GKAP1: variants seen among roughly 807,000 people sequenced by gnomAD.
GKAP1 encodes the protein G kinase-anchoring protein 1.
GKAP1 carries 31 observed loss-of-function variants against 56.7 expected under a neutral mutation model. That is an observed-to-expected ratio of 0.55 (90% CI 0.41 to 0.74). The LOEUF (loss-of-function observed/expected upper bound fraction) is 0.74. Among genes scored for constraint, GKAP1 ranks in the 30% least tolerant of loss-of-function variants. The pLI is 0.00. For missense variants in GKAP1, 364 were observed against 402.3 expected (o/e 0.90, Z 0.82); for synonymous variants, 151 against 138.6 (o/e 1.09, Z -0.63).
chr9:83,810,551 T>C (rs1332280790), intron 2 of GKAP1, among the ~76,000 whole-genome samples: 3 of 152,310 alleles, frequency 2.0e-5, no homozygotes, highest in African/African-American at 7.2e-5. Context: ...TAAATCTCTT[T>C]CCAGTTTTGG....
chr9:83,803,858 G>C (rs1452765233), intron 3 of GKAP1, among the ~76,000 whole-genome samples: 1 of 151,294 alleles, frequency 6.6e-6, no homozygotes, highest in African/African-American at 2.4e-5. Flanking sequence ...GAGCGTTTCT[G>C]CCCGGCCGCC....
rs558253172 is a variant in GKAP1 at position 83,777,570 on chromosome 9, G to A, written c.585+2812C>T. 1.3e-3 allele frequency among the ~76,000 whole-genome samples: 196 copies of A among 152,130 alleles called. 1 individual carries two copies. The highest frequency in any genetic ancestry group is 0.01 in the Middle Eastern group (3 of 294). On this transcript the variant is annotated intron_variant, in intron 7 of 12. Transcript: ENST00000376371. ...AGCTAGCACCAAGAATATATATGCA[G>A]TTCAAGTACACCTCATCACCCATCA...
At chr9:83,811,418 T>C (rs1367782236) in intron 2 of GKAP1, among the ~76,000 whole-genome samples, 1 of 152,210 alleles carries the variant, frequency 6.6e-6, no homozygotes, top group African/African-American at 2.4e-5. Flanking sequence ...GTTGAGACTA[T>C]ATCTTAAATA....
chr9:83,795,576 G>A (rs376985097), intron 4 of GKAP1, among the ~76,000 whole-genome samples: 19 of 138,486 alleles, frequency 1.4e-4, no homozygotes, highest in African/African-American at 4.7e-4. Flanking sequence ...TTATGGTTAT[G>A]TCTGAGAGTG....
intron 7 of GKAP1, among the ~76,000 whole-genome samples, chr9:83,771,303 A>G (rs752124899): frequency 6.6e-5 from 10 of 151,290 alleles, no homozygotes; most frequent in Non-Finnish European, 1.3e-4. Flanking sequence ...AGTGGGTCTC[A>G]AACTCCTGAC....
chr9:83,752,286 C>T (rs1009388013), intron 9 of GKAP1, among the ~76,000 whole-genome samples: 4 of 152,056 alleles, frequency 2.6e-5, no homozygotes, highest in Non-Finnish European at 5.9e-5. Flanking sequence ...CATGGTGGCA[C>T]GTGCCTGTAG....
chr9:83,778,646 C>A (rs982738409), intron 7 of GKAP1, among the ~76,000 whole-genome samples: 2 of 151,626 alleles, frequency 1.3e-5, no homozygotes, highest in Non-Finnish European at 2.9e-5. Context: ...ACCACCGTGA[C>A]CAAAATTTAC....
At chr9:83,771,237 GTTGTTTGT>G (rs57442408) in intron 7 of GKAP1, among the ~76,000 whole-genome samples, 14 of 150,736 alleles carry the variant, frequency 9.3e-5, no homozygotes, top group African/African-American at 1.2e-4. Flanking sequence ...TAATTTTTTT[GTTGTTTGT>G]TTGTTTGTTT....
At chr9:83,801,710 G>A (rs1366259121) in intron 3 of GKAP1, among the ~76,000 whole-genome samples, 2 of 152,078 alleles carry the variant, frequency 1.3e-5, no homozygotes, top group African/African-American at 4.8e-5. Flanking sequence ...CACTCATTCT[G>A]TTTTATATTT....
chr9:83,782,593 G>C (rs1012995133), intron 6 of GKAP1, among the ~76,000 whole-genome samples: 1 of 145,318 alleles, frequency 6.9e-6, no homozygotes, highest in African/African-American at 2.5e-5. Context: ...CCTGACCTTA[G>C]GTGATCCACC....
intron 2 of GKAP1, among the ~76,000 whole-genome samples, chr9:83,809,372 TGGGTAGC>T (rs946184993): frequency 1.3e-5 from 2 of 152,242 alleles, no homozygotes; most frequent in Non-Finnish European, 2.9e-5. Context: ...TGCTCCTCAG[TGGGTAGC>T]TCCTGCACAT....
intron 8 of GKAP1, 46 bp downstream of exon 8, chr9:83,768,772 A>T (rs2131267582): frequency 6.5e-7 from 1 of 1,538,494 alleles, no homozygotes; most frequent in Non-Finnish European, 8.9e-7. Context: ...TAAAAATTAC[A>T]TTTCAATTTC....
intron 4 of GKAP1, among the ~76,000 whole-genome samples, chr9:83,791,335 G>A (rs914383966): frequency 4.6e-5 from 7 of 151,914 alleles, no homozygotes; most frequent in East Asian, 3.9e-4. Context: ...CCCAGGAGGC[G>A]GAGCTTGCAG....
intron 2 of GKAP1, among the ~76,000 whole-genome samples, chr9:83,809,685 C>T (rs1406706047): frequency 6.6e-6 from 1 of 152,234 alleles, no homozygotes; most frequent in Non-Finnish European, 1.5e-5. Context: ...TCAGCAGCAT[C>T]AAATCTAGCT....
Position 83,768,988 on chromosome 9 carries a change from C to T in GKAP1, c.586-18G>A, listed in dbSNP as rs367821770. The stretch of plus-strand genomic sequence containing the variant: ...CTCAATTCCTGTCAAAAATGAATTA[C>T]GATTTACTATCATTCAACATGCACT... On this transcript the variant is annotated intron_variant, in intron 7 of 12. Transcript: ENST00000376371. 15 of 1,597,240 alleles carry T rather than the reference C, an allele frequency of 9.4e-6. No individual in the cohort carries two copies. Among genetic ancestry groups the T allele is most frequent in the African/African-American group, 2.7e-5 (2 of 74,510 alleles).
chr9:83,745,304 T>C (rs1340820456), intron 10 of GKAP1, among the ~76,000 whole-genome samples: 2 of 152,186 alleles, frequency 1.3e-5, no homozygotes. Flanking sequence ...AAAGCTGGGA[T>C]TACAGGTGTG....
At chr9:83,767,295 CTT>C (rs1369967838) in intron 8 of GKAP1, among the ~76,000 whole-genome samples, 4 of 151,970 alleles carry the variant, frequency 2.6e-5, no homozygotes, top group Non-Finnish European at 5.9e-5. Context: ...GGCTGGCAAA[CTT>C]TTGCTGCAAA....
chr9:83,786,772 GATT>G (rs1944071257), intron 5 of GKAP1, among the ~76,000 whole-genome samples: 2 of 152,146 alleles, frequency 1.3e-5, no homozygotes, highest in Admixed American at 1.3e-4. Context: ...TAAAATCAAT[GATT>G]TTGAGTACTA....
At chr9:83,785,544 C>A (rs1165320932) in intron 5 of GKAP1, among the ~76,000 whole-genome samples, 1 of 152,162 alleles carries the variant, frequency 6.6e-6, no homozygotes, top group Non-Finnish European at 1.5e-5. Context: ...TGTTATGCCA[C>A]CACCATGTGC....
Sources: allele counts gnomAD v4.1 joint callset (sites outside exome capture counted in the v4.1 genomes callset), GRCh38; gene constraint gnomAD v4.1.1; transcripts MANE v1.5; gene names NCBI Gene and HGNC (gene_info 2026-07-23, HGNC 2026-07-21).